The following TUBA1C variants were observed in gnomAD, a reference collection of about 807,000 sequenced individuals.
The protein encoded by TUBA1C is tubulin alpha 1c.
A neutral mutation model predicts 34.9 loss-of-function variants in TUBA1C; 16 were observed. The observed-to-expected ratio is 0.46, with a 90% CI of 0.31 to 0.70. The LOEUF (loss-of-function observed/expected upper bound fraction) is 0.70. Ranked by LOEUF, TUBA1C falls within the 30% of genes least tolerant of loss-of-function variation. The probability of loss-of-function intolerance (pLI) is 0.05; values close to 1 mark genes in which losing one functional copy is unlikely to be tolerated. For synonymous variants in TUBA1C, 177 were observed against 215.9 expected (o/e 0.82, Z 1.58); for missense variants, 329 against 587.3 (o/e 0.56, Z 4.55).
intron 1 of TUBA1C, among the ~76,000 whole-genome samples, chr12:49,254,169 G>T (rs994306312): frequency 6.6e-6 from 1 of 152,076 alleles, no homozygotes; most frequent in Non-Finnish European, 1.5e-5. Flanking sequence ...AAATTAGCCG[G>T]GCGTGGTGGC....
chr12:49,270,776 C>T (rs535202274), intron 3 of TUBA1C, among the ~76,000 whole-genome samples: 6 of 152,152 alleles, frequency 3.9e-5, no homozygotes, highest in African/African-American at 9.6e-5. Flanking sequence ...GTCAGGAGAT[C>T]GAGACCATCC....
chr12:49,264,915 G>C (rs1243029324), upstream of TUBA1C: 5 of 234,622 alleles, frequency 2.1e-5, no homozygotes, highest in Non-Finnish European at 3.1e-5. Context: ...TTGAACTTTT[G>C]AATCCGCCAA....
chr12:49,266,380 A>G (rs1942912599), intron 1 of TUBA1C, among the ~76,000 whole-genome samples: 1 of 151,960 alleles, frequency 6.6e-6, no homozygotes, highest in South Asian at 2.1e-4. Context: ...CAGTGAGCCG[A>G]GATCGCGCCA....
At chr12:49,249,249 C>G (rs1373093477) in intron 1 of TUBA1C, among the ~76,000 whole-genome samples, 2 of 151,788 alleles carry the variant, frequency 1.3e-5, no homozygotes, top group African/African-American at 4.8e-5. Context: ...CCAACATAGA[C>G]AAACCCCGTC....
rs201937436 is a variant in TUBA1C, at chr12:49,271,749, C to T, written c.376-504C>T. Among the ~76,000 whole-genome samples, 6 of 152,164 alleles carry T rather than the reference C, an allele frequency of 3.9e-5. No homozygotes were observed. The East Asian group carries it at 5.8e-4, about 15-fold the overall frequency. On this transcript the variant is annotated intron_variant, in intron 3 of 3. Transcript: ENST00000301072. ...CAGGCTGGTGGTCCTGGGCCTGCCC[C>T]TTAGGACCTCTCCAACTAAGAAACT...
chr12:49,270,030 G>A (rs1337238327), intron 3 of TUBA1C, 54 bp downstream of exon 3: 1 of 1,614,132 alleles, frequency 6.2e-7, no homozygotes, highest in South Asian at 1.1e-5. Flanking sequence ...GCAGTTCTGA[G>A]ACCAAACTAC....
At chr12:49,270,674 T>C (rs1942978728) in intron 3 of TUBA1C, among the ~76,000 whole-genome samples, 3 of 152,190 alleles carry the variant, frequency 2.0e-5, no homozygotes, top group Admixed American at 2.0e-4. Flanking sequence ...TGGACTGATG[T>C]TTCCGATGCT....
rs573123996 is a variant in TUBA1C at position 49,246,405 on chromosome 12, C to T, written c.213+18239C>T. ...TGAAAATGGCCTGAACTTGGCCGGG[C>T]GCGGTGGCTCACGCCTGTAATCCCA... On this transcript the variant is annotated intron_variant, in intron 1 of 3. Transcript: ENST00000541364. 6.6e-5 allele frequency among the ~76,000 whole-genome samples: 10 copies of T among 151,668 alleles called. No homozygotes were observed. In the South Asian group the frequency reaches 1.7e-3, roughly 25 times the overall value.
At chr12:49,245,582 T>C (rs779438250) in intron 1 of TUBA1C, among the ~76,000 whole-genome samples, 4 of 152,194 alleles carry the variant, frequency 2.6e-5, no homozygotes, top group Non-Finnish European at 4.4e-5. Flanking sequence ...CCAACCTGGA[T>C]GAAAAAAACC....
At chr12:49,266,416 C>CA (rs1350225532) in intron 1 of TUBA1C, among the ~76,000 whole-genome samples, 1 of 151,092 alleles carries the variant, frequency 6.6e-6, no homozygotes, top group African/African-American at 2.4e-5. Context: ...GGCGACAGAG[C>CA]AAGACTCCGT....
upstream of TUBA1C, chr12:49,264,855 TC>T: frequency 6.2e-6 from 1 of 161,802 alleles, no homozygotes; most frequent in Non-Finnish European, 1.3e-5. Flanking sequence ...TTCCTCCCCT[TC>T]CTCCCCTTCC....
intron 1 of TUBA1C, among the ~76,000 whole-genome samples, chr12:49,259,525 G>A (rs1787539294): frequency 6.6e-6 from 1 of 152,150 alleles, no homozygotes; most frequent in Non-Finnish European, 1.5e-5. Flanking sequence ...GCCCAACCTA[G>A]ATACAAATAC....
At chr12:49,269,368 T>C in intron 1 of TUBA1C, 97 bp from the exon 2 acceptor site, 2 of 1,564,756 alleles carry the variant, frequency 1.3e-6, no homozygotes, top group Non-Finnish European at 8.6e-7. Flanking sequence ...CAGCCAGTTA[T>C]CTGTCTTGAA....
At chr12:49,231,153 C>T (rs1412303860) in intron 1 of TUBA1C, among the ~76,000 whole-genome samples, 1 of 152,092 alleles carries the variant, frequency 6.6e-6, no homozygotes, top group Non-Finnish European at 1.5e-5. Context: ...TTCCATTAGT[C>T]CATCATTATT....
chr12:49,238,558 C>G (rs1942581563), intron 1 of TUBA1C, among the ~76,000 whole-genome samples: 1 of 152,166 alleles, frequency 6.6e-6, no homozygotes, highest in South Asian at 2.1e-4. Flanking sequence ...TTCCCACAAC[C>G]TCCTCCTTGG....
intron 1 of TUBA1C, among the ~76,000 whole-genome samples, chr12:49,250,961 C>T (rs928649132): frequency 1.3e-5 from 2 of 152,214 alleles, no homozygotes; most frequent in Non-Finnish European, 2.9e-5. Context: ...AATCCCAGCA[C>T]TTTGGGAGGC....
At chr12:49,262,104 G>A (rs1375368601), upstream of TUBA1C, among the ~76,000 whole-genome samples, 1 of 152,024 alleles carries the variant, frequency 6.6e-6, no homozygotes, top group Admixed American at 6.6e-5. Flanking sequence ...ACCCTGAGGA[G>A]GGGAAATGTC....
chr12:49,249,854 ACATT>A (rs1942714441), intron 1 of TUBA1C, among the ~76,000 whole-genome samples: 1 of 152,030 alleles, frequency 6.6e-6, no homozygotes, highest in South Asian at 2.1e-4. Flanking sequence ...ATAGAGCAAA[ACATT>A]GTCTCCAATA....
intron 1 of TUBA1C, among the ~76,000 whole-genome samples, chr12:49,236,416 A>G (rs563717732): frequency 3.7e-4 from 56 of 152,336 alleles, no homozygotes; most frequent in African/African-American, 1.3e-3. Context: ...TAATGGAAAC[A>G]TGTTATCAAG....
Sources: gnomAD v4.1 joint callset for allele counts (sites outside exome capture counted in the v4.1 genomes callset) on GRCh38, gnomAD v4.1.1 for gene constraint, MANE v1.5 for transcripts, NCBI Gene and HGNC (gene_info 2026-07-23, HGNC 2026-07-21) for gene names.